SEPTIN14: variants seen among roughly 807,000 people sequenced by gnomAD.
The protein encoded by SEPTIN14 is septin-14.
In SEPTIN14, 40 loss-of-function variants were observed where a neutral mutation model predicts 53.6. The observed-to-expected ratio is 0.75, with a 90% CI of 0.58 to 0.97. SEPTIN14 has a LOEUF of 0.97. SEPTIN14 is among the 50% of genes least tolerant of loss of function. The probability of loss-of-function intolerance (pLI) is 0.00; values close to 1 mark genes in which losing one functional copy is unlikely to be tolerated. For missense variants in SEPTIN14, 471 were observed against 508.2 expected (o/e 0.93, Z 0.70); for synonymous variants, 138 against 166.8 (o/e 0.83, Z 1.33).
At chr7:55,839,791 A>G (rs1434072730) in intron 5 of SEPTIN14, among the ~76,000 whole-genome samples, 1 of 151,954 alleles carries the variant, frequency 6.6e-6, no homozygotes, top group East Asian at 1.9e-4. Flanking sequence ...TGAAGCCTCA[A>G]CCCCCCAGTA....
intron 7 of SEPTIN14, among the ~76,000 whole-genome samples, chr7:55,808,931 A>T (rs1788650469): frequency 1.3e-5 from 2 of 152,198 alleles, no homozygotes; most frequent in Admixed American, 6.5e-5. Flanking sequence ...CCAAAGGAAT[A>T]TATATTGTTC....
intron 5 of SEPTIN14, among the ~76,000 whole-genome samples, chr7:55,839,775 G>C (rs1405812391): frequency 2.6e-5 from 4 of 152,074 alleles, no homozygotes. Flanking sequence ...CAAAAAATTT[G>C]TATGTTGAAG....
At chr7:55,837,757 T>C (rs895931163) in intron 5 of SEPTIN14, among the ~76,000 whole-genome samples, 2 of 152,076 alleles carry the variant, frequency 1.3e-5, no homozygotes, top group African/African-American at 2.4e-5. Context: ...TAATTTTGTA[T>C]TTTTTAGTAG....
chr7:55,857,871 G>C (rs1789672447), intron 2 of SEPTIN14, among the ~76,000 whole-genome samples: 1 of 151,202 alleles, frequency 6.6e-6, no homozygotes, highest in East Asian at 1.9e-4. Context: ...ACAGGCGCGA[G>C]CCACCGCGCC....
chr7:55,803,261 A>C (rs957695187), intron 9 of SEPTIN14, among the ~76,000 whole-genome samples: 24 of 152,208 alleles, frequency 1.6e-4, no homozygotes, highest in African/African-American at 5.8e-4. Context: ...TTTTAAAAGA[A>C]GACATAAAAG....
In SEPTIN14 at chr7:55,841,654, G is replaced by A. The variant is rs554169491; in HGVS notation, c.558+1288C>T. Among the ~76,000 whole-genome samples, 15 of 152,090 alleles carry A rather than the reference G, an allele frequency of 9.9e-5. 1 individual carries two copies. The South Asian group carries it at 3.1e-3, about 32-fold the overall frequency. On this transcript the variant is annotated intron_variant, in intron 5 of 9. Coordinates refer to ENST00000388975, the MANE Select transcript of SEPTIN14 (RefSeq NM_207366.3). ...GTGGATCACCCGAGGTCGGGAGTTC[G>A]AGACCAGCTTGACCAACATGGAGAA...
intron 6 of SEPTIN14, among the ~76,000 whole-genome samples, chr7:55,829,974 C>G (rs938611231): frequency 2.6e-5 from 4 of 151,514 alleles, no homozygotes; most frequent in Non-Finnish European, 4.4e-5. Flanking sequence ...GTCAGGAGAT[C>G]GAGACTATCC....
chr7:55,813,479 GT>G lies in SEPTIN14; in HGVS notation c.817+5647del, dbSNP rs1264564668. Among the ~76,000 whole-genome samples the G allele has an allele frequency of 2.1e-4, 32 of 152,282 alleles. No homozygotes were observed. In the East Asian group the frequency reaches 6.2e-3, roughly 29 times the overall value. On this transcript the variant is annotated intron_variant, in intron 7 of 9. Transcript: ENST00000388975. ...ATGCGTGTGACCCAGCAAGACACCA[GT>G]TTTGGTGGCCAAGGAGTGCTTGTAT...
At chr7:55,859,138 C>T (rs1023503113) in intron 2 of SEPTIN14, among the ~76,000 whole-genome samples, 1 of 148,858 alleles carries the variant, frequency 6.7e-6, no homozygotes, top group Non-Finnish European at 1.5e-5. Flanking sequence ...TTAACAAGAG[C>T]GAAACTCCAT....
At chr7:55,857,675 C>T (rs1368269072) in intron 2 of SEPTIN14, among the ~76,000 whole-genome samples, 1 of 147,204 alleles carries the variant, frequency 6.8e-6, no homozygotes, top group Non-Finnish European at 1.5e-5. Flanking sequence ...GCAAGCTCCG[C>T]CTCCCGGGTT....
intron 9 of SEPTIN14, among the ~76,000 whole-genome samples, chr7:55,803,296 T>C (rs1788553681): frequency 6.6e-6 from 1 of 152,132 alleles, no homozygotes; most frequent in African/African-American, 2.4e-5. Flanking sequence ...GAAAAAAATA[T>C]TCAACCTCAT....
At chr7:55,813,232 A>G (rs10244972) in intron 7 of SEPTIN14, among the ~76,000 whole-genome samples, 84,674 of 151,878 alleles carry the variant, frequency 0.56, 24,552 homozygotes, top group African/African-American at 0.72. Flanking sequence ...CTATAGGTGT[A>G]AGCCACCACT....
At chr7:55,807,323 C>T in intron 7 of SEPTIN14, 65 bp from the exon 8 acceptor site, 1 of 1,009,014 alleles carries the variant, frequency 9.9e-7, no homozygotes, top group Non-Finnish European at 1.5e-6. Flanking sequence ...AGTAAGTGTT[C>T]ATGAATGAAT....
chr7:55,812,128 C>T (rs939740959), intron 7 of SEPTIN14, among the ~76,000 whole-genome samples: 1 of 152,196 alleles, frequency 6.6e-6, no homozygotes, highest in African/African-American at 2.4e-5. Context: ...AGGTATTTTA[C>T]TTCCTTGTTT....
rs1038187935 is a variant in SEPTIN14, at chr7:55,794,261, T to G, written c.*1652A>C. The G allele has an allele frequency of 3.3e-5, 5 of 152,150 alleles. No individual in the cohort carries two copies. The highest frequency in any genetic ancestry group is 1.2e-4 in the African/African-American group (5 of 41,448). The allele number at this position is 152,150 out of a possible 1,614,324, so 9.4% of individuals were successfully genotyped here. On this transcript the variant is annotated 3_prime_UTR_variant, in exon 10 of 10. Coordinates refer to ENST00000388975, the MANE Select transcript of SEPTIN14 (RefSeq NM_207366.3). ...GTTATTTTTAAATATGGAATAATATTGGTGATTTCAGTTTCAGTTTTAATA... is the reference window on the plus strand; with the variant it reads ...GTTATTTTTAAATATGGAATAATATGGGTGATTTCAGTTTCAGTTTTAATA...
chr7:55,797,216 A>C (rs750684121), intron 9 of SEPTIN14, among the ~76,000 whole-genome samples: 5 of 152,224 alleles, frequency 3.3e-5, no homozygotes, highest in Non-Finnish European at 5.9e-5. Context: ...GAAGGAAAGT[A>C]GAGAAAGGAG....
intron 7 of SEPTIN14, among the ~76,000 whole-genome samples, chr7:55,814,084 T>C (rs1284384148): frequency 6.6e-6 from 1 of 152,184 alleles, no homozygotes; most frequent in Admixed American, 6.6e-5. Context: ...GTTTGAGAGA[T>C]TCTGCCTCAT....
At chr7:55,846,018 C>T (rs190349797) in intron 3 of SEPTIN14, among the ~76,000 whole-genome samples, 2 of 125,974 alleles carry the variant, frequency 1.6e-5, no homozygotes, top group Non-Finnish European at 3.2e-5. Flanking sequence ...CACTGCACTC[C>T]AGCATGGGCA....
chr7:55,843,533 T>C (rs1185407294), intron 4 of SEPTIN14, among the ~76,000 whole-genome samples: 2 of 152,166 alleles, frequency 1.3e-5, no homozygotes, highest in Non-Finnish European at 1.5e-5. Flanking sequence ...GAATGGCTAT[T>C]GTTAAAAAGA....
Sources: gnomAD v4.1 joint callset for allele counts (sites outside exome capture counted in the v4.1 genomes callset) on GRCh38, gnomAD v4.1.1 for gene constraint, MANE v1.5 for transcripts, NCBI Gene and HGNC (gene_info 2026-07-23, HGNC 2026-07-21) for gene names.